Variants in PNPLA3 observed in about 807,000 individuals in gnomAD.
The protein encoded by PNPLA3 is patatin like domain 3, 1-acylglycerol-3-phosphate O-acyltransferase.
In PNPLA3, 42 loss-of-function variants were observed where a neutral mutation model predicts 43.1. The observed-to-expected ratio is 0.97, with a 90% CI of 0.76 to 1.26. The LOEUF (loss-of-function observed/expected upper bound fraction) is 1.26. PNPLA3 is among the 50% of genes most tolerant of loss of function. The probability of loss-of-function intolerance (pLI) is 0.00; values close to 1 mark genes in which losing one functional copy is unlikely to be tolerated. For missense variants in PNPLA3, 647 were observed against 621.4 expected, an observed-to-expected ratio of 1.04 and a Z score of -0.44; for synonymous variants, 272 against 253.6, an observed-to-expected ratio of 1.07 and a Z score of -0.69.
chr22:43,924,747 A>C (rs1171072669), intron 1 of PNPLA3, among the ~76,000 whole-genome samples: 2 of 149,964 alleles, frequency 1.3e-5, no homozygotes, highest in East Asian at 2.0e-4. Context: ...TCCCAGGTTC[A>C]CGCCATTCTC....
chr22:43,929,453 G>A (rs913145641), intron 3 of PNPLA3, among the ~76,000 whole-genome samples: 4 of 148,370 alleles, frequency 2.7e-5, no homozygotes, highest in Non-Finnish European at 4.5e-5. Context: ...TCCATCCTGG[G>A]TGACAGAGCG....
At chr22:43,934,783 G>C (rs1001352698) in intron 5 of PNPLA3, 117 bp downstream of exon 5, 2 of 947,008 alleles carry the variant, frequency 2.1e-6, no homozygotes, top group Non-Finnish European at 3.4e-6. Flanking sequence ...CCTTCCTTGT[G>C]TTGCTCAACC....
intron 8 of PNPLA3, 97 bp from the exon 9 acceptor site, chr22:43,946,057 G>A (rs2050060792): frequency 1.8e-6 from 2 of 1,101,706 alleles, no homozygotes; most frequent in African/African-American, 3.1e-5. Flanking sequence ...TGTGTGTGGT[G>A]CCCTCTACTG....
chr22:43,927,362 T>C (rs2049931031), intron 2 of PNPLA3, among the ~76,000 whole-genome samples, 195 bp downstream of exon 2: 1 of 151,960 alleles, frequency 6.6e-6, no homozygotes. Context: ...CATGGTGTTG[T>C]GGGCCCATAG....
At chr22:43,929,810 TG>T (rs1471631924) in intron 3 of PNPLA3, among the ~76,000 whole-genome samples, 1 of 152,044 alleles carries the variant, frequency 6.6e-6, no homozygotes, top group Non-Finnish European at 1.5e-5. Flanking sequence ...TTGGCCAGGC[TG>T]GTCTCCAACT....
chr22:43,931,258 T>A (rs1174940838), intron 3 of PNPLA3, among the ~76,000 whole-genome samples: 2 of 152,208 alleles, frequency 1.3e-5, no homozygotes, highest in African/African-American at 4.8e-5. Context: ...TTAGAACCCA[T>A]TATTCTTCAA....
intron 8 of PNPLA3, among the ~76,000 whole-genome samples, chr22:43,945,347 G>A (rs1442211843): frequency 2.6e-5 from 4 of 152,150 alleles, no homozygotes; most frequent in African/African-American, 7.2e-5. Context: ...AGGGGATGCC[G>A]CTACTTCCTG....
chr22:43,927,630 T>C (rs953234931), intron 2 of PNPLA3, among the ~76,000 whole-genome samples: 10 of 151,266 alleles, frequency 6.6e-5, no homozygotes, highest in Admixed American at 1.3e-4. Flanking sequence ...CCAGGGCAGT[T>C]TCTTTTCTTC....
intron 2 of PNPLA3, among the ~76,000 whole-genome samples, chr22:43,927,816 C>T (rs1490444329): frequency 6.6e-6 from 1 of 152,110 alleles, no homozygotes; most frequent in Non-Finnish European, 1.5e-5. Flanking sequence ...GCCCTGTTGC[C>T]CAGGCTGGTC....
chr22:43,934,520 G>T (rs2049982484), intron 4 of PNPLA3, 86 bp from the exon 5 acceptor site: 3 of 1,347,342 alleles, frequency 2.2e-6, no homozygotes, highest in Non-Finnish European at 1.1e-6. Context: ...TGATTCTTTG[G>T]TGCTCTCTGC....
intron 3 of PNPLA3, among the ~76,000 whole-genome samples, chr22:43,931,297 C>T (rs139026453): frequency 2.2e-4 from 34 of 152,308 alleles, no homozygotes; most frequent in African/African-American, 8.2e-4. Context: ...CAAAGCATTA[C>T]TGTGTACATA....
At chr22:43,930,325 G>C (rs990418591) in intron 3 of PNPLA3, among the ~76,000 whole-genome samples, 1 of 152,140 alleles carries the variant, frequency 6.6e-6, no homozygotes, top group African/African-American at 2.4e-5. Flanking sequence ...ACTGCAGGGC[G>C]GCTCTTCTCA....
Position 43,928,892 on chromosome 22 carries a change from A to G in PNPLA3, c.486+3A>G, listed in dbSNP as rs1159565210. The stretch of plus-strand genomic sequence containing the variant: ...TCCCTCCTTCCTTCAGAGGCGTGGT[A>G]AGTCGGCTTTCTCTGCTAGCGCTGA... On this transcript the variant is annotated splice_donor_region_variant and intron_variant, in intron 3 of 8. Coordinates refer to ENST00000216180, the MANE Select transcript of PNPLA3 (RefSeq NM_025225.3). The G allele has an allele frequency of 6.2e-7, 1 of 1,609,232 alleles. No homozygotes were observed. Among genetic ancestry groups the G allele is most frequent in the Admixed American group, 1.7e-5 (1 of 59,964 alleles).
At chr22:43,929,931 C>T (rs1456335106) in intron 3 of PNPLA3, among the ~76,000 whole-genome samples, 3 of 152,202 alleles carry the variant, frequency 2.0e-5, no homozygotes, top group African/African-American at 7.2e-5. Flanking sequence ...CAACAAAAAT[C>T]TGTCAGCCTG....
chr22:43,926,074 G>A (rs1010850194), intron 1 of PNPLA3, among the ~76,000 whole-genome samples: 7 of 152,210 alleles, frequency 4.6e-5, no homozygotes, highest in African/African-American at 1.7e-4. Context: ...ACAGAGGGCT[G>A]TGCACTTGGG....
At chr22:43,942,968 G>T (rs1032003136) in intron 7 of PNPLA3, among the ~76,000 whole-genome samples, 2 of 151,794 alleles carry the variant, frequency 1.3e-5, no homozygotes, top group African/African-American at 4.8e-5. Flanking sequence ...TGACTTCCTG[G>T]GTTGGATTCC....
intron 6 of PNPLA3, chr22:43,939,537 G>A (rs965933313): frequency 9.3e-5 from 58 of 622,450 alleles, no homozygotes; most frequent in East Asian, 1.1e-4. Context: ...AGCCTGGGCC[G>A]GGCGCGGTGG....
Position 43,946,114 on chromosome 22 carries a change from C to A in PNPLA3, c.1218-40C>A. The A allele has an allele frequency of 1.9e-6, 3 of 1,583,774 alleles. No individual in the cohort carries two copies. The South Asian group carries it at 3.3e-5, about 18-fold the overall frequency. On this transcript the variant is annotated intron_variant, in intron 8 of 8. Transcript: ENST00000216180. ...TAGCTCAGACTGCACACTGCAGCAG[C>A]GGGAACGGCCTCTAAGCCAACTTCC...
intron 5 of PNPLA3, among the ~76,000 whole-genome samples, chr22:43,935,357 A>T (rs1452588431): frequency 6.6e-6 from 1 of 152,184 alleles, no homozygotes; most frequent in Non-Finnish European, 1.5e-5. Context: ...ACTGCAGTGA[A>T]CACAGAGGTG....
Sources: gnomAD v4.1 joint callset for allele counts (sites outside exome capture counted in the v4.1 genomes callset) on GRCh38, gnomAD v4.1.1 for gene constraint, MANE v1.5 for transcripts, NCBI Gene and HGNC (gene_info 2026-07-23, HGNC 2026-07-21) for gene names.